The following KHDRBS2 variants were observed in gnomAD, a reference collection of about 807,000 sequenced individuals.
The protein encoded by KHDRBS2 is KH RNA binding domain containing, signal transduction associated 2, also known as KH domain-containing, RNA-binding, signal transduction-associated protein 2.
KHDRBS2 carries 26 observed loss-of-function variants against 44.3 expected under a neutral mutation model. That is an observed-to-expected ratio of 0.59 (90% CI 0.43 to 0.81). The LOEUF (loss-of-function observed/expected upper bound fraction) is 0.81, where lower values mean the gene tolerates loss of function less well. KHDRBS2 is among the 40% of genes least tolerant of loss of function. The probability of loss-of-function intolerance (pLI) is 0.00; values close to 1 mark genes in which losing one functional copy is unlikely to be tolerated. For missense variants in KHDRBS2, 476 were observed against 433.1 expected (o/e 1.10, Z -0.88); for synonymous variants, 194 against 151.1 (o/e 1.28, Z -2.08).
chr6:62,148,350 G>A (rs1197842917), intron 2 of KHDRBS2, among the ~76,000 whole-genome samples: 1 of 151,966 alleles, frequency 6.6e-6, no homozygotes. Context: ...CTATTCAACA[G>A]TAAGAATACT....
intron 6 of KHDRBS2, among the ~76,000 whole-genome samples, chr6:61,781,976 C>T (rs1358966359): frequency 6.6e-6 from 1 of 152,124 alleles, no homozygotes; most frequent in African/African-American, 2.4e-5. Context: ...GGGAAGGGGA[C>T]ACCTTTGAGG....
chr6:62,020,008 T>A (rs189835497), intron 3 of KHDRBS2, among the ~76,000 whole-genome samples: 177 of 152,012 alleles, frequency 1.2e-3, no homozygotes, highest in Admixed American at 2.2e-3. Context: ...AGGTGGAAGT[T>A]GAGGTCATCG....
chr6:62,286,208 G>A lies in KHDRBS2; in HGVS notation c.-260C>T. 1.2e-5 allele frequency: 6 copies of A among 493,186 alleles called. No homozygotes were observed. In the East Asian group the frequency reaches 2.4e-4, roughly 19 times the overall value. 30.6% of individuals were successfully genotyped at this position (493,186 alleles called of 1,614,324 possible). A position where few individuals can be genotyped will look rare whatever the true frequency, so the allele number is the denominator to read the frequency against. On this transcript the variant is annotated 5_prime_UTR_variant, in exon 1 of 9. Transcript: ENST00000281156. Reference sequence around the variant, plus strand: ...CGGCTCACACCAGCGGCCTTAACTGGAGAGGCGGGAACAGGACGCGGCCCA... The same window carrying A: ...CGGCTCACACCAGCGGCCTTAACTGAAGAGGCGGGAACAGGACGCGGCCCA...
chr6:61,599,012 C>A, the KHDRBS2 span, among the ~76,000 whole-genome samples: 1 of 151,926 alleles, frequency 6.6e-6, no homozygotes, highest in Non-Finnish European at 1.5e-5. Flanking sequence ...TGGCTCACTG[C>A]AACCTCCACC....
intron 7 of KHDRBS2, among the ~76,000 whole-genome samples, chr6:61,717,066 G>C (rs1207116074): frequency 2.0e-5 from 3 of 151,998 alleles, no homozygotes; most frequent in Non-Finnish European, 4.4e-5. Context: ...GTTTTCTTGA[G>C]AGACTTGTCA....
intron 1 of KHDRBS2, among the ~76,000 whole-genome samples, chr6:62,179,738 A>T (rs1222048426): frequency 4.0e-5 from 6 of 151,810 alleles, no homozygotes; most frequent in Admixed American, 3.3e-4. Flanking sequence ...GCTTTTTTAG[A>T]CATCTGCAAT....
chr6:61,803,949 T>A (rs966470245), intron 6 of KHDRBS2, among the ~76,000 whole-genome samples: 1 of 152,066 alleles, frequency 6.6e-6, no homozygotes, highest in Non-Finnish European at 1.5e-5. Flanking sequence ...TTTGAGTGGG[T>A]ACACAGAGCC....
At chr6:61,668,319 C>T in the KHDRBS2 span, among the ~76,000 whole-genome samples, 1 of 150,906 alleles carries the variant, frequency 6.6e-6, no homozygotes, top group Non-Finnish European at 1.5e-5. Flanking sequence ...TTATAATTTT[C>T]TAAAAATACA....
chr6:61,785,883 A>AT (rs981425461), intron 6 of KHDRBS2, among the ~76,000 whole-genome samples: 33 of 151,872 alleles, frequency 2.2e-4, no homozygotes, highest in Non-Finnish European at 3.7e-4. Flanking sequence ...AACTATGCTT[A>AT]TTTTTTTTCT....
At chr6:62,003,527 G>C (rs1778658446) in intron 3 of KHDRBS2, among the ~76,000 whole-genome samples, 1 of 152,028 alleles carries the variant, frequency 6.6e-6, no homozygotes, top group South Asian at 2.1e-4. Context: ...CAAGTCCTTA[G>C]AGACCTACAA....
chr6:62,014,604 T>A (rs143923160), intron 3 of KHDRBS2, among the ~76,000 whole-genome samples: 4 of 152,256 alleles, frequency 2.6e-5, no homozygotes, highest in African/African-American at 9.6e-5. Flanking sequence ...CATATAGTAA[T>A]GAAAGACCTA....
intron 4 of KHDRBS2, among the ~76,000 whole-genome samples, chr6:61,953,023 A>C (rs780416423): frequency 5.9e-5 from 9 of 151,974 alleles, no homozygotes; most frequent in South Asian, 2.1e-4. Context: ...AAATATATTA[A>C]TTATACTTAC....
intron 6 of KHDRBS2, among the ~76,000 whole-genome samples, chr6:61,755,933 A>G (rs1466527444): frequency 6.6e-6 from 1 of 152,138 alleles, no homozygotes; most frequent in Non-Finnish European, 1.5e-5. Context: ...GTGATTTGAA[A>G]ACTACTTGTT....
At chr6:61,586,344 C>A in the KHDRBS2 span, among the ~76,000 whole-genome samples, 26,043 of 152,066 alleles carry the variant, frequency 0.17, 2,460 homozygotes, top group East Asian at 0.29. Context: ...CTTTTCAGTG[C>A]ATTTTCCCAC....
intron 6 of KHDRBS2, among the ~76,000 whole-genome samples, chr6:61,764,794 G>C (rs964050612): frequency 1.9e-4 from 29 of 151,634 alleles, no homozygotes; most frequent in Non-Finnish European, 3.5e-4. Flanking sequence ...TTGACAGATA[G>C]ATAGATTGCA....
intron 6 of KHDRBS2, among the ~76,000 whole-genome samples, chr6:61,837,089 G>A (rs907329184): frequency 1.7e-4 from 26 of 151,938 alleles, no homozygotes; most frequent in African/African-American, 5.8e-4. Context: ...AACCTTAGGT[G>A]TGGAGAACCA....
chr6:61,688,343 C>T (rs1396228362), intron 8 of KHDRBS2, among the ~76,000 whole-genome samples: 1 of 151,776 alleles, frequency 6.6e-6, no homozygotes, highest in Non-Finnish European at 1.5e-5. Flanking sequence ...AAGTCTAAAA[C>T]GTACTTTCAT....
intron 2 of KHDRBS2, among the ~76,000 whole-genome samples, chr6:62,145,028 A>G (rs1454008093): frequency 1.3e-5 from 2 of 152,026 alleles, no homozygotes; most frequent in Admixed American, 1.3e-4. Context: ...CATGAGCAGA[A>G]GTATGAGGGT....
Position 62,177,189 on chromosome 6 carries a change from G to T in KHDRBS2, c.215C>A (p.Pro72Gln). 6.4e-7 allele frequency: 1 copy of T among 1,562,506 alleles called. No individual in the cohort carries two copies. The highest frequency in any genetic ancestry group is 8.8e-7 in the Non-Finnish European group (1 of 1,137,978). The change falls in exon 2 of 9, where the codon CCA becomes CAA. Residue 72 changes from proline to glutamine, a missense_variant. Transcript: ENST00000281156. ...ERVLIPVKQYPKFNFVGKLLG... is the reference protein window; with the variant it reads ...ERVLIPVKQYQKFNFVGKLLG... ...ACAAAGTATATATGGTAGTACCTTT[G>T]GATACTGCTTGACAGGAATCAGTAC...
Sources: allele counts gnomAD v4.1 joint callset (sites outside exome capture counted in the v4.1 genomes callset), GRCh38; gene constraint gnomAD v4.1.1; transcripts MANE v1.5; gene names NCBI Gene and HGNC (gene_info 2026-07-23, HGNC 2026-07-21).